The following HMCN2 variants were observed in gnomAD, a reference collection of about 807,000 sequenced individuals.
HMCN2 encodes the protein hemicentin 2.
HMCN2 carries 325 observed loss-of-function variants against 377.5 expected under a neutral mutation model. The observed-to-expected ratio is 0.86, with a 90% CI of 0.79 to 0.94. The LOEUF (loss-of-function observed/expected upper bound fraction) is 0.94, where lower values mean the gene tolerates loss of function less well. Among genes scored for constraint, HMCN2 ranks in the 40% least tolerant of loss-of-function variants. The probability of loss-of-function intolerance (pLI) is 0.00; values close to 1 mark genes in which losing one functional copy is unlikely to be tolerated. For synonymous variants in HMCN2, 2,007 were observed against 2,046.8 expected (o/e 0.98, Z 0.53); for missense variants, 4,543 against 4,725.3 (o/e 0.96, Z 1.13).
At chr9:130,299,731 CCACCCACCCATCCACCCACCCATT>C (rs1836385223) in intron 8 of HMCN2, among the ~76,000 whole-genome samples, 1 of 148,264 alleles carries the variant, frequency 6.7e-6, no homozygotes, top group Admixed American at 6.7e-5. Flanking sequence ...ACTCACCCAT[CCACCCACCCATCCACCCACCCATT>C]CACTCACCTA....
intron 83 of HMCN2, among the ~76,000 whole-genome samples, chr9:130,408,355 T>C (rs1413748139): frequency 2.0e-5 from 3 of 152,168 alleles, no homozygotes; most frequent in Non-Finnish European, 2.9e-5. Context: ...TCTTGTTTTT[T>C]TATAGTTATT....
At position 130,376,544 on chromosome 9, in the gene HMCN2, CT is replaced by C; in HGVS notation, c.7949del (p.Leu2650TrpfsTer6). The C allele has an allele frequency of 1.0e-6, 1 of 985,930 alleles. No homozygotes were observed. Among genetic ancestry groups the C allele is most frequent in the Non-Finnish European group, 1.2e-6 (1 of 830,032 alleles). The allele number at this position is 985,930 out of a possible 1,614,324, so 61.1% of individuals were successfully genotyped here. A position where few individuals can be genotyped will look rare whatever the true frequency, so the allele number is the denominator to read the frequency against. On this transcript the variant is annotated frameshift_variant, in exon 52 of 98. Coordinates refer to ENST00000683500, the MANE Select transcript of HMCN2 (RefSeq NM_001291815.2). LOFTEE classifies it high-confidence loss of function. Reference protein sequence around the residue: ...IPPSISKDDPLAEVGVKEVKT... With the variant: ...IPPSISKDDPXAEVGVKEVKT... Reference sequence around the variant, plus strand: ...CCCCTTCCATCTCCAAAGACGACCCCTTGGCGGAGGTCGGCGTGAAGGAGGT... The same window carrying C: ...CCCCTTCCATCTCCAAAGACGACCCCTGGCGGAGGTCGGCGTGAAGGAGGT...
intron 31 of HMCN2, among the ~76,000 whole-genome samples, chr9:130,353,817 A>G (rs986882652): frequency 2.0e-5 from 3 of 152,118 alleles, no homozygotes; most frequent in African/African-American, 7.2e-5. Context: ...ACTCAGAGGA[A>G]AGGGTGTCGG....
intron 1 of HMCN2, among the ~76,000 whole-genome samples, chr9:130,269,856 G>T (rs1834322597): frequency 6.8e-6 from 1 of 147,846 alleles, no homozygotes; most frequent in African/African-American, 2.4e-5. Flanking sequence ...TGTTGCCCAG[G>T]CTGGAGTGCA....
chr9:130,352,072 A>G (rs1006095628), intron 30 of HMCN2, among the ~76,000 whole-genome samples: 10 of 152,310 alleles, frequency 6.6e-5, no homozygotes, highest in East Asian at 5.8e-4. Context: ...TTGGCCTCCC[A>G]AAGTGCTGGG....
At chr9:130,392,308 G>A (rs7026002) in intron 66 of HMCN2, among the ~76,000 whole-genome samples, 190 bp downstream of exon 66, 1 of 152,044 alleles carries the variant, frequency 6.6e-6, no homozygotes, top group Admixed American at 6.5e-5. Flanking sequence ...GGGAGGTGGT[G>A]GGGGTAGGAG....
At chr9:130,322,272 G>A (rs1238002600) in intron 19 of HMCN2, among the ~76,000 whole-genome samples, 1 of 151,748 alleles carries the variant, frequency 6.6e-6, no homozygotes, top group Non-Finnish European at 1.5e-5. Flanking sequence ...CAGATTCTTT[G>A]TATGTTCTTA....
At position 130,403,883 on chromosome 9, in the gene HMCN2, T is replaced by G. The variant is rs1478120254; in HGVS notation, c.12148+8T>G. ...CGCGGCTGGTGGTGCAAGGTGGGAG[T>G]GAGGACGGGGCCGAGGTGGGCCCTG... On this transcript the variant is annotated splice_region_variant and intron_variant, in intron 80 of 97. Transcript: ENST00000683500. The G allele has an allele frequency of 7.8e-7, 1 of 1,287,664 alleles. No individual in the cohort carries two copies. Among genetic ancestry groups the G allele is most frequent in the Non-Finnish European group, 1.0e-6 (1 of 987,540 alleles). The allele number at this position is 1,287,664 out of a possible 1,614,324, so 79.8% of individuals were successfully genotyped here.
chr9:130,277,040 C>T (rs372085893), intron 1 of HMCN2, among the ~76,000 whole-genome samples: 7 of 152,356 alleles, frequency 4.6e-5, no homozygotes, highest in East Asian at 3.9e-4. Context: ...CAGCCTTGAC[C>T]GTGTCCACCG....
chr9:130,296,537 T>C, intron 6 of HMCN2, 137 bp from the exon 7 acceptor site: 1 of 375,450 alleles, frequency 2.7e-6, no homozygotes, highest in Non-Finnish European at 5.4e-6. Context: ...TGGGAGGAGG[T>C]AAGTTGCCCA....
chr9:130,277,163 C>T (rs1252111983), intron 1 of HMCN2, among the ~76,000 whole-genome samples: 1 of 152,248 alleles, frequency 6.6e-6, no homozygotes, highest in African/African-American at 2.4e-5. Context: ...TGGCCCCACA[C>T]CCTCCTCTTG....
Position 130,360,677 on chromosome 9 carries a change from C to A in HMCN2, c.5950+73C>A. On this transcript the variant is annotated intron_variant, in intron 38 of 97. Coordinates refer to ENST00000683500, the MANE Select transcript of HMCN2 (RefSeq NM_001291815.2). The surrounding 1 kb of genome is among the most constrained non-coding windows in gnomAD (Gnocchi z 4.7). ...TTCATTCATTTGTCTATTAGTCTGT[C>A]CATCCACCTGTCCACTCATCCATCC... The A allele has an allele frequency of 1.1e-6, 1 of 941,370 alleles. No individual in the cohort carries two copies. The highest frequency in any genetic ancestry group is 1.4e-6 in the Non-Finnish European group (1 of 694,336). The allele number at this position is 941,370 out of a possible 1,614,324, so 58.3% of individuals were successfully genotyped here. A position where few individuals can be genotyped will look rare whatever the true frequency, so the allele number is the denominator to read the frequency against.
chr9:130,337,469 A>G (rs1838816021), intron 22 of HMCN2, among the ~76,000 whole-genome samples: 9 of 152,246 alleles, frequency 5.9e-5, no homozygotes, highest in Non-Finnish European at 1.5e-5. Flanking sequence ...CCCACAGTCA[A>G]CAGGTGTCAA....
At chr9:130,305,160 T>C (rs1003014642) in intron 11 of HMCN2, among the ~76,000 whole-genome samples, 158 bp downstream of exon 11, 1 of 152,086 alleles carries the variant, frequency 6.6e-6, no homozygotes, top group African/African-American at 2.4e-5. Context: ...GAGAATACTG[T>C]AGCCTCCTAG....
intron 56 of HMCN2, 57 bp from the exon 57 acceptor site, chr9:130,383,447 G>C (rs1056272918): frequency 5.0e-5 from 38 of 764,142 alleles, no homozygotes; most frequent in Admixed American, 1.9e-4. Context: ...ATTCCTGGGG[G>C]TGGTGGTGTC....
At chr9:130,358,355 G>C (rs907113512) in intron 35 of HMCN2, 35 bp from the exon 36 acceptor site, 14 of 1,303,960 alleles carry the variant, frequency 1.1e-5, no homozygotes, top group Non-Finnish European at 1.4e-5. Flanking sequence ...CACTTGGACA[G>C]CCCTGTGGCA....
intron 30 of HMCN2, among the ~76,000 whole-genome samples, 166 bp from the exon 31 acceptor site, chr9:130,352,761 A>G (rs949958259): frequency 2.7e-5 from 4 of 146,958 alleles, no homozygotes; most frequent in African/African-American, 1.0e-4. Context: ...GGCCTCTCCC[A>G]TCTGTCCCCA....
chr9:130,384,620 T>C, intron 58 of HMCN2, 65 bp from the exon 59 acceptor site: 1 of 1,301,388 alleles, frequency 7.7e-7, no homozygotes, highest in Non-Finnish European at 1.0e-6. Context: ...CCGTCAGTCG[T>C]GCAGGGATTT....
At chr9:130,415,777 T>G (rs1843651506) in intron 85 of HMCN2, among the ~76,000 whole-genome samples, 1 of 152,206 alleles carries the variant, frequency 6.6e-6, no homozygotes. Context: ...TGTCCGTGGC[T>G]CCTTCATTTC....
Sources: allele counts gnomAD v4.1 joint callset (sites outside exome capture counted in the v4.1 genomes callset), GRCh38; gene constraint gnomAD v4.1.1; non-coding constraint Gnocchi (gnomAD v3.1); transcripts MANE v1.5; gene names NCBI Gene and HGNC (gene_info 2026-07-23, HGNC 2026-07-21).